Variants in DNAAF1 observed in about 807,000 individuals in gnomAD.
DNAAF1 encodes the protein dynein assembly factor 1, axonemal.
A neutral mutation model predicts 71.1 loss-of-function variants in DNAAF1; 65 were observed. The ratio of observed to expected loss-of-function variants is 0.91; its 90% CI spans 0.75 to 1.12. The LOEUF is 1.12. Ranked by LOEUF, DNAAF1 falls within the 50% of genes most tolerant of loss-of-function variation. The pLI, the probability that DNAAF1 is intolerant of heterozygous loss-of-function variation, is 0.00. For synonymous variants in DNAAF1, 414 were observed against 354.6 expected (o/e 1.17, Z -1.88); for missense variants, 1,178 against 899.8 (o/e 1.31, Z -3.96).
At chr16:84,174,625 T>C (rs1420849472) in intron 9 of DNAAF1, 44 bp from the exon 10 acceptor site, 6 of 1,613,948 alleles carry the variant, frequency 3.7e-6, no homozygotes, top group African/African-American at 2.7e-5. Flanking sequence ...ACGTTGACAG[T>C]GCGTGTACCT....
At position 84,155,686 on chromosome 16, in the gene DNAAF1, C is replaced by G; in HGVS notation, c.678C>G (p.Asp226Glu). The G allele has an allele frequency of 6.2e-7, 1 of 1,614,150 alleles. No individual in the cohort carries two copies. The highest frequency in any genetic ancestry group is 8.5e-7 in the Non-Finnish European group (1 of 1,180,032). Residue 226 changes from aspartate to glutamate, a missense_variant, in exon 5 of 12, where the codon GAC (aspartate) becomes GAG (glutamate). By Grantham distance (45) the Asp-to-Glu change is conservative. Transcript: ENST00000378553. ...LQECLRLCVL[D>E]LSHNKLSDPE... is the part of the protein sequence containing the mutation. ...AGTGTTTGAGGCTTTGTGTCCTTGACCTTTCGCACAACAAGCTGAGTGACC... is the reference window on the plus strand; with the variant it reads ...AGTGTTTGAGGCTTTGTGTCCTTGAGCTTTCGCACAACAAGCTGAGTGACC...
chr16:84,165,977 C>G, intron 7 of DNAAF1, 28 bp downstream of exon 7: 1 of 1,611,930 alleles, frequency 6.2e-7, no homozygotes, highest in Non-Finnish European at 8.5e-7. Flanking sequence ...GACAACAGCC[C>G]CAGAGTTCCT....
intron 9 of DNAAF1, chr16:84,172,754 C>T (rs532869309): frequency 8.7e-7 from 1 of 1,152,648 alleles, no homozygotes; most frequent in Non-Finnish European, 1.1e-6. Context: ...ATTGTATCAT[C>T]AGTTACATTG....
At chr16:84,150,163 C>T (rs2087117579) in intron 2 of DNAAF1, 88 bp from the exon 3 acceptor site, 1 of 966,398 alleles carries the variant, frequency 1.0e-6, no homozygotes, top group Non-Finnish European at 1.7e-6. Flanking sequence ...GAATTTTGGG[C>T]AGGAATGGAT....
In DNAAF1 at chr16:84,154,519, C is replaced by T. The variant is rs114879915; in HGVS notation, c.353-58C>T. ...AATAGTAGGCAAAAACAAGGGTGAC[C>T]GTGACCCCTCTGCCCTGGGAGTAGG... On this transcript the variant is annotated intron_variant, in intron 3 of 11. Coordinates refer to ENST00000378553, the MANE Select transcript of DNAAF1 (RefSeq NM_178452.6). The T allele has an allele frequency of 4.7e-4, 704 of 1,506,308 alleles. 2 individuals are homozygous for T. The Middle Eastern group carries it at 5.0e-3, about 11-fold the overall frequency. The allele number at this position is 1,506,308 out of a possible 1,614,324, so 93.3% of individuals were successfully genotyped here. A position where few individuals can be genotyped will look rare whatever the true frequency, so the allele number is the denominator to read the frequency against.
intron 4 of DNAAF1, 48 bp downstream of exon 4, chr16:84,154,846 C>A: frequency 1.4e-6 from 2 of 1,431,396 alleles, no homozygotes; most frequent in Non-Finnish European, 2.0e-6. Context: ...ATGTCCATCA[C>A]CTTCCCCTGA....
Position 84,176,182 on chromosome 16 carries a change from C to A in DNAAF1, c.1948C>A (p.Leu650Ile), listed in dbSNP as rs759644657. Reference protein sequence around the residue: ...TKSPRPLIQELSDEDPSGQLL... With the variant: ...TKSPRPLIQEISDEDPSGQLL... ...GTCCCCAAGACCCCTGATCCAGGAG[C>A]TCAGCGACGAGGACCCCTCTGGCCA... The change falls in exon 11 of 12, where the codon CTC (leucine) becomes ATC (isoleucine). Residue 650 changes from leucine (L) to isoleucine (I), a missense_variant. By Grantham distance (5) the Leu-to-Ile change is conservative (BLOSUM62 2). Coordinates refer to ENST00000378553, the MANE Select transcript of DNAAF1 (RefSeq NM_178452.6). The A allele has an allele frequency of 2.0e-5, 33 of 1,613,932 alleles. No homozygotes were observed. The Admixed American group carries it at 4.0e-4, about 20-fold the overall frequency.
chr16:84,157,937 G>A (rs1247419237), intron 5 of DNAAF1, among the ~76,000 whole-genome samples: 1 of 152,206 alleles, frequency 6.6e-6, no homozygotes, highest in Non-Finnish European at 1.5e-5. Context: ...GCCAGGCACA[G>A]TGGCTCACGC....
At chr16:84,146,061 C>T (rs1377814855) in intron 1 of DNAAF1, among the ~76,000 whole-genome samples, 1 of 152,046 alleles carries the variant, frequency 6.6e-6, no homozygotes, top group Non-Finnish European at 1.5e-5. Flanking sequence ...CTCGCCATTG[C>T]ATTCCAGCCC....
chr16:84,160,705 C>T (rs1046908965), intron 6 of DNAAF1, among the ~76,000 whole-genome samples: 86 of 151,466 alleles, frequency 5.7e-4, no homozygotes, highest in Admixed American at 1.5e-3. Context: ...GAGGCCAAGG[C>T]GGGCGGATCA....
At chr16:84,174,112 A>C (rs1220844427) in intron 9 of DNAAF1, 1 of 916,646 alleles carries the variant, frequency 1.1e-6, no homozygotes, top group Non-Finnish European at 1.3e-6. Context: ...CCAAAGCCAG[A>C]CAGCTAGAAA....
Position 84,159,204 on chromosome 16 carries a change from C to T in DNAAF1, c.742-471C>T, listed in dbSNP as rs1019138536. 5.7e-5 allele frequency: 59 copies of T among 1,028,302 alleles called. No homozygotes were observed. The African/African-American group carries it at 9.7e-4, about 17-fold the overall frequency. The allele number at this position is 1,028,302 out of a possible 1,614,324, so 63.7% of individuals were successfully genotyped here. A position where few individuals can be genotyped will look rare whatever the true frequency, so the allele number is the denominator to read the frequency against. ...GAAGGGCCGTCCATCCTGCGGCACT[C>T]AGCAGAGGTAAGCGGGCACTCCCCA... On this transcript the variant is annotated intron_variant, in intron 5 of 11. Coordinates refer to ENST00000378553, the MANE Select transcript of DNAAF1 (RefSeq NM_178452.6).
intron 6 of DNAAF1, among the ~76,000 whole-genome samples, chr16:84,165,073 C>G (rs555840416): frequency 1.1e-3 from 162 of 152,258 alleles, no homozygotes; most frequent in African/African-American, 3.8e-3. Flanking sequence ...GTGAGGTACC[C>G]TGATCATTTG....
intron 3 of DNAAF1, 44 bp downstream of exon 3, chr16:84,150,386 T>G (rs1418937211): frequency 6.9e-7 from 1 of 1,447,452 alleles, no homozygotes; most frequent in African/African-American, 1.4e-5. Context: ...GGTGGAAAGA[T>G]TCTGTCTAGC....
intron 6 of DNAAF1, among the ~76,000 whole-genome samples, chr16:84,164,929 G>A (rs750014404): frequency 2.0e-5 from 3 of 152,056 alleles, no homozygotes; most frequent in Non-Finnish European, 4.4e-5. Context: ...TTAGCGCAGC[G>A]TTGCCGTGTT....
chr16:84,159,571 CTCAAAAAATAGATTTTGT>C, intron 5 of DNAAF1, 86 bp from the exon 6 acceptor site: 1 of 1,472,946 alleles, frequency 6.8e-7, no homozygotes, highest in African/African-American at 1.4e-5. Flanking sequence ...TTCTATTTTG[CTCAAAAAATAGATTTTGT>C]TCATTTATTC....
Position 84,170,087 on chromosome 16 carries a change from C to T in DNAAF1, c.1259C>T (p.Thr420Ile). ...CCAGAGGGGACCCTCCCAGCTGAGA[C>T]CCTGCTACTGTCGTCACCTGTGGAG... ...PEPEGTLPAE[T>I]LLLSSPVEVK... The change falls in exon 8 of 12, where the codon ACC becomes ATC. Residue 420 changes from threonine (T) to isoleucine (I), a missense_variant. Physicochemically the swap from Thr to Ile is moderately conservative, Grantham distance 89 (BLOSUM62 -1). Transcript: ENST00000378553. The T allele has an allele frequency of 6.3e-7, 1 of 1,591,076 alleles. No individual in the cohort carries two copies. The highest frequency in any genetic ancestry group is 2.4e-5 in the East Asian group (1 of 42,146).
chr16:84,161,127 C>T (rs1013923468), intron 6 of DNAAF1, among the ~76,000 whole-genome samples: 1 of 152,092 alleles, frequency 6.6e-6, no homozygotes, highest in African/African-American at 2.4e-5. Flanking sequence ...CCCTCACCTC[C>T]CTGGGCGCAC....
intron 11 of DNAAF1, 163 bp downstream of exon 11, chr16:84,176,462 C>A: frequency 8.6e-7 from 1 of 1,157,194 alleles, no homozygotes; most frequent in South Asian, 1.4e-5. Context: ...TTCCTGAGTT[C>A]ACGGGTCTGA....
Sources: gnomAD v4.1 joint callset for allele counts (sites outside exome capture counted in the v4.1 genomes callset) on GRCh38, gnomAD v4.1.1 for gene constraint, MANE v1.5 for transcripts, NCBI Gene and HGNC (gene_info 2026-07-23, HGNC 2026-07-21) for gene names.